CREM: variants seen among roughly 807,000 people sequenced by gnomAD.
CREM encodes cAMP responsive element modulator.
CREM carries 13 observed loss-of-function variants against 37.3 expected under a neutral mutation model. The ratio of observed to expected loss-of-function variants is 0.35; its 90% confidence interval spans 0.23 to 0.55. CREM has a LOEUF of 0.55. Among genes scored for constraint, CREM ranks in the 20% least tolerant of loss-of-function variants. The probability of loss-of-function intolerance (pLI) is 0.88; values close to 1 mark genes in which losing one functional copy is unlikely to be tolerated. For missense variants in CREM, 296 were observed against 362.3 expected, an observed-to-expected ratio of 0.82 and a Z score of 1.49; for synonymous variants, 124 against 120.2, an observed-to-expected ratio of 1.03 and a Z score of -0.21.
At chr10:35,135,721 GAAAAAAAAAAAA>G (rs9336981) in intron 1 of CREM, among the ~76,000 whole-genome samples, 4 of 50,562 alleles carry the variant, frequency 7.9e-5, no homozygotes, top group Admixed American at 2.7e-4. Context: ...CCTATTTCTG[GAAAAAAAAAAAA>G]AAAAAAAAAA....
rs148704946 is a variant in CREM at position 35,191,086 on chromosome 10, T to TTTTTTTTATTTATTTATTTATTTATTTA, written c.598+2701_598+2702insTTTTATTTATTTATTTATTTATTTATTT. Among the ~76,000 whole-genome samples the TTTTTTTTATTTATTTATTTATTTATTTA allele has an allele frequency of 4.3e-3, 640 of 148,048 alleles. 7 individuals carry two copies. Among genetic ancestry groups the TTTTTTTTATTTATTTATTTATTTATTTA allele is most frequent in the African/African-American group, 0.015 (591 of 40,566 alleles). On this transcript the variant is annotated intron_variant, in intron 6 of 7. Transcript: ENST00000685392. ...TCTTTTAACAGTTGAACATTTTTCT[T>TTTTTTTTATTTATTTATTTATTTATTTA]TTTATTTATTTATTTATTTATTATA...
intron 5 of CREM, among the ~76,000 whole-genome samples, chr10:35,187,154 T>A (rs1481396373): frequency 1.8e-5 from 1 of 54,766 alleles, no homozygotes; most frequent in Non-Finnish European, 3.4e-5. Context: ...ATAATATATA[T>A]AATATATATT....
At chr10:35,151,106 G>C (rs1290448874) in intron 3 of CREM, among the ~76,000 whole-genome samples, 1 of 152,140 alleles carries the variant, frequency 6.6e-6, no homozygotes, top group Non-Finnish European at 1.5e-5. Context: ...GAAACAAAGG[G>C]GTGAGAACTG....
chr10:35,191,307 T>C (rs779800904), intron 6 of CREM, among the ~76,000 whole-genome samples: 5 of 152,202 alleles, frequency 3.3e-5, no homozygotes, highest in Non-Finnish European at 7.3e-5. Flanking sequence ...TTAACTTTGC[T>C]GAACTCTAAT....
intron 3 of CREM, chr10:35,175,653 A>G: frequency 6.2e-7 from 1 of 1,613,340 alleles, no homozygotes. Context: ...GTGTTCCTTA[A>G]TAAATGTCAC....
At chr10:35,148,866 C>T (rs2092371214) in intron 3 of CREM, among the ~76,000 whole-genome samples, 1 of 152,266 alleles carries the variant, frequency 6.6e-6, no homozygotes, top group Admixed American at 6.5e-5. Flanking sequence ...TCATTACTTT[C>T]TTTTCAGTTA....
intron 3 of CREM, among the ~76,000 whole-genome samples, chr10:35,170,739 T>A (rs2132677924): frequency 6.6e-6 from 1 of 152,340 alleles, no homozygotes; most frequent in South Asian, 2.1e-4. Context: ...GTGGGGTCGG[T>A]GGTGATATCC....
intron 3 of CREM, chr10:35,148,712 G>A (rs1457078597): frequency 6.7e-6 from 3 of 449,334 alleles, no homozygotes; most frequent in East Asian, 4.0e-5. Flanking sequence ...CACTATGGAA[G>A]GAAAAACAAA....
intron 6 of CREM, chr10:35,201,576 A>G (rs2095386331): frequency 6.8e-7 from 1 of 1,476,574 alleles, no homozygotes; most frequent in Admixed American, 2.1e-5. Context: ...AGAGATATGT[A>G]GTTAATGACC....
chr10:35,153,345 A>C (rs983048452), intron 3 of CREM, among the ~76,000 whole-genome samples: 1 of 152,216 alleles, frequency 6.6e-6, no homozygotes, highest in Non-Finnish European at 1.5e-5. Flanking sequence ...TGCTCAGCAG[A>C]TCTCAGACAT....
intron 2 of CREM, among the ~76,000 whole-genome samples, chr10:35,146,340 G>A (rs1302865246): frequency 3.9e-5 from 6 of 152,336 alleles, no homozygotes; most frequent in East Asian, 1.9e-4. Context: ...AGAAAATGCT[G>A]TCTGTTGGAC....
At chr10:35,176,567 G>A (rs2094100012) in intron 3 of CREM, among the ~76,000 whole-genome samples, 3 of 151,698 alleles carry the variant, frequency 2.0e-5, no homozygotes, top group South Asian at 2.1e-4. Flanking sequence ...GCCACCATGC[G>A]TGGCTAATTT....
chr10:35,143,641 C>T (rs1249631921), intron 2 of CREM, among the ~76,000 whole-genome samples: 1 of 152,104 alleles, frequency 6.6e-6, no homozygotes, highest in Admixed American at 6.5e-5. Flanking sequence ...GCTTTTACAT[C>T]AGGGGCCAGA....
chr10:35,176,446 C>T (rs1163331070), intron 3 of CREM, among the ~76,000 whole-genome samples: 3 of 133,702 alleles, frequency 2.2e-5, no homozygotes, highest in South Asian at 2.3e-4. Context: ...CTCGCTTTGT[C>T]GCCCAGGCTG....
At chr10:35,199,085 G>T (rs189375127) in intron 6 of CREM, among the ~76,000 whole-genome samples, 69 of 152,294 alleles carry the variant, frequency 4.5e-4, no homozygotes, top group African/African-American at 1.6e-3. Flanking sequence ...GGAGGTGGAG[G>T]TTGCAGTGAG....
chr10:35,140,060 A>G (rs1005609490), intron 2 of CREM, among the ~76,000 whole-genome samples: 1 of 152,218 alleles, frequency 6.6e-6, no homozygotes, highest in African/African-American at 2.4e-5. Flanking sequence ...AGATTTGGAT[A>G]TAAATCTGCA....
chr10:35,181,703 G>C (rs1384099924), intron 5 of CREM, among the ~76,000 whole-genome samples: 1 of 152,120 alleles, frequency 6.6e-6, no homozygotes, highest in Non-Finnish European at 1.5e-5. Context: ...GTGAGACCCT[G>C]TCTCTACAAA....
chr10:35,202,987 G>C (rs1414702379), intron 6 of CREM, among the ~76,000 whole-genome samples: 1 of 152,190 alleles, frequency 6.6e-6, no homozygotes, highest in African/African-American at 2.4e-5. Context: ...TCTGGAAACA[G>C]GCAAGAGTTG....
intron 2 of CREM, among the ~76,000 whole-genome samples, chr10:35,143,539 G>A (rs1225608446): frequency 6.6e-6 from 1 of 152,226 alleles, no homozygotes; most frequent in Non-Finnish European, 1.5e-5. Context: ...GATAGCTGAA[G>A]TGGCATAAAG....
Sources: gnomAD v4.1 joint callset for allele counts (sites outside exome capture counted in the v4.1 genomes callset) on GRCh38, gnomAD v4.1.1 for gene constraint, MANE v1.5 for transcripts, NCBI Gene and HGNC (gene_info 2026-07-23, HGNC 2026-07-21) for gene names.